CC2D1B: variants seen among roughly 807,000 people sequenced by gnomAD.
The protein encoded by CC2D1B is coiled-coil and C2 domain containing 1B, also known as coiled-coil and C2 domain-containing protein 1B.
In CC2D1B, 92 loss-of-function variants were observed where a neutral mutation model predicts 110.8. The ratio of observed to expected loss-of-function variants is 0.83; its 90% CI spans 0.70 to 0.99. CC2D1B has a LOEUF of 0.99. CC2D1B is among the 50% of genes least tolerant of loss of function. The pLI, the probability that CC2D1B is intolerant of heterozygous loss-of-function variation, is 0.00. For missense variants in CC2D1B, 1,136 were observed against 1,089.0 expected (o/e 1.04, Z -0.61); for synonymous variants, 406 against 429.2 (o/e 0.95, Z 0.67).
At position 52,351,217 on chromosome 1, in the gene CC2D1B, G is replaced by C. The variant is rs886324580; in HGVS notation, c.*2008C>G. On this transcript the variant is annotated 3_prime_UTR_variant, in exon 25 of 25. Coordinates refer to ENST00000284376, the MANE Select transcript of CC2D1B (RefSeq NM_001330585.2). ...CTCGTCAGCCTGGAGGTTCTGTTTT[G>C]AAAGAGCAAAGCAGCAGACTGAAAT... 1.1e-4 allele frequency: 16 copies of C among 152,210 alleles called. No homozygotes were observed. Among genetic ancestry groups the C allele is most frequent in the African/African-American group, 3.1e-4 (13 of 41,454 alleles). The allele number at this position is 152,210 out of a possible 1,614,324, so 9.4% of individuals were successfully genotyped here. A position where few individuals can be genotyped will look rare whatever the true frequency, so the allele number is the denominator to read the frequency against.
intron 3 of CC2D1B, among the ~76,000 whole-genome samples, chr1:52,362,135 C>T (rs1276150621): frequency 6.6e-6 from 1 of 152,146 alleles, no homozygotes; most frequent in African/African-American, 2.4e-5. Flanking sequence ...CAGGGACACA[C>T]AGGATGGTGG....
At position 52,360,343 on chromosome 1, in the gene CC2D1B, C is replaced by T; in HGVS notation, c.603+81G>A. On this transcript the variant is annotated intron_variant, in intron 6 of 24. Coordinates refer to ENST00000284376, the MANE Select transcript of CC2D1B (RefSeq NM_001330585.2). ...CCCCCAAAGTCTGGTGGGGTGACCTCCCCTCCACTGGTGCGATCTCCACCA... is the reference window on the plus strand; with the variant it reads ...CCCCCAAAGTCTGGTGGGGTGACCTTCCCTCCACTGGTGCGATCTCCACCA... 3 of 1,595,234 alleles carry T rather than the reference C, an allele frequency of 1.9e-6. No individual in the cohort carries two copies. In the South Asian group the frequency reaches 3.4e-5, roughly 18 times the overall value.
chr1:52,354,343 G>A (rs1032621316), intron 23 of CC2D1B: 2 of 655,496 alleles, frequency 3.1e-6, no homozygotes, highest in Admixed American at 2.1e-5. Flanking sequence ...ATTTGTCAGA[G>A]GCAAGGTCGT....
chr1:52,362,865 A>G (rs986060926), intron 2 of CC2D1B, 119 bp from the exon 3 acceptor site: 3 of 1,001,322 alleles, frequency 3.0e-6, no homozygotes, highest in Admixed American at 4.9e-5. Context: ...GTGAGGCCCA[A>G]TGTGCAGAAA....
At chr1:52,363,915 A>C (rs1377695064) in intron 2 of CC2D1B, among the ~76,000 whole-genome samples, 1 of 152,140 alleles carries the variant, frequency 6.6e-6, no homozygotes, top group East Asian at 1.9e-4. Flanking sequence ...TCCTGACCTC[A>C]GGTGATCCAC....
intron 5 of CC2D1B, chr1:52,360,769 G>T (rs1291105720): frequency 2.3e-6 from 2 of 882,850 alleles, no homozygotes; most frequent in East Asian, 5.3e-5. Context: ...TATGGCTCCC[G>T]GGGGGTAGTC....
At chr1:52,358,660 G>T (rs776948035) in intron 12 of CC2D1B, 26 bp downstream of exon 12, 1 of 1,609,928 alleles carries the variant, frequency 6.2e-7, no homozygotes, top group Non-Finnish European at 8.5e-7. Flanking sequence ...CCTCCTCACA[G>T]AGCCCCTAGG....
intron 2 of CC2D1B, 145 bp downstream of exon 2, chr1:52,364,407 T>G: frequency 6.2e-6 from 3 of 487,128 alleles, no homozygotes; most frequent in South Asian, 3.9e-5. Flanking sequence ...AGTAGGAGGG[T>G]GTCTAAGGGC....
At chr1:52,364,915 A>T (rs1464353588) in intron 1 of CC2D1B, among the ~76,000 whole-genome samples, 1 of 152,216 alleles carries the variant, frequency 6.6e-6, no homozygotes, top group Non-Finnish European at 1.5e-5. Flanking sequence ...GGCTGGGTAG[A>T]ATTCAGAAAG....
intron 19 of CC2D1B, 43 bp downstream of exon 19, chr1:52,355,728 T>A (rs372864749): frequency 6.1e-5 from 98 of 1,613,534 alleles, no homozygotes; most frequent in Non-Finnish European, 8.1e-5. Context: ...ACTTGGAGTG[T>A]CCGGGCAAGA....
At chr1:52,356,792 T>C in intron 16 of CC2D1B, 1 of 613,532 alleles carries the variant, frequency 1.6e-6, no homozygotes, top group Non-Finnish European at 2.8e-6. Flanking sequence ...TCTCTGTTGT[T>C]TGTACCACCC....
intron 13 of CC2D1B, chr1:52,358,104 C>G: frequency 2.2e-6 from 2 of 898,198 alleles, no homozygotes; most frequent in Non-Finnish European, 3.3e-6. Context: ...AGGAGAGAGA[C>G]TGCAGGGTAA....
chr1:52,358,594 C>G, intron 12 of CC2D1B, 92 bp downstream of exon 12: 1 of 1,566,670 alleles, frequency 6.4e-7, no homozygotes. Context: ...GGGAGGCAGA[C>G]GCATGAGAAG....
Position 52,355,384 on chromosome 1 carries a change from C to T in CC2D1B, c.2239+14G>A, listed in dbSNP as rs772136891. ...CTCTGAGGGAGGAGAAAGAGGCCCA[C>T]GTGTGGCCCTCACCTGGAGAGTTTG... On this transcript the variant is annotated intron_variant, in intron 21 of 24. Transcript: ENST00000284376. The T allele has an allele frequency of 1.7e-5, 27 of 1,613,602 alleles. No homozygotes were observed. Among genetic ancestry groups the T allele is most frequent in the African/African-American group, 1.6e-4 (12 of 74,924 alleles).
In CC2D1B at chr1:52,358,450, T is replaced by G. The variant is rs1557547705; in HGVS notation, c.1342A>C (p.Ile448Leu). Residue 448 changes from isoleucine (I) to leucine (L), a missense_variant, in exon 13 of 25, where the codon ATC becomes CTC. Ile to Leu is a conservative substitution (Grantham distance 5). Coordinates refer to ENST00000284376, the MANE Select transcript of CC2D1B (RefSeq NM_001330585.2). Reference protein sequence around the residue: ...ELPVPPGFPPIPGLESTMGVE... With the variant: ...ELPVPPGFPPLPGLESTMGVE... The stretch of plus-strand genomic sequence containing the variant: ...CCCATAGTGGACTCCAGGCCAGGGA[T>G]GGGGGGAAATCCTGTGGGAGAGAGA... The G allele has an allele frequency of 2.5e-6, 4 of 1,613,398 alleles. No homozygotes were observed. The highest frequency in any genetic ancestry group is 3.4e-6 in the Non-Finnish European group (4 of 1,179,892).
chr1:52,358,237 C>T (rs1646696970), intron 13 of CC2D1B, 94 bp downstream of exon 13: 1 of 1,499,538 alleles, frequency 6.7e-7, no homozygotes, highest in Admixed American at 2.1e-5. Flanking sequence ...GAATATGTAC[C>T]TTATTGGGCT....
chr1:52,353,291 G>T, intron 24 of CC2D1B, 68 bp from the exon 25 acceptor site: 1 of 1,470,474 alleles, frequency 6.8e-7, no homozygotes, highest in Non-Finnish European at 9.1e-7. Flanking sequence ...TTTTAGAAAG[G>T]GTTTCCTGAA....
intron 23 of CC2D1B, chr1:52,354,389 A>C: frequency 1.4e-6 from 1 of 696,288 alleles, no homozygotes; most frequent in East Asian, 2.7e-5. Context: ...GAGTTCATGG[A>C]AACAAGGAGG....
At position 52,351,736 on chromosome 1, in the gene CC2D1B, T is replaced by G. The variant is rs1646533396; in HGVS notation, c.*1489A>C. On this transcript the variant is annotated 3_prime_UTR_variant, in exon 25 of 25. Coordinates refer to ENST00000284376, the MANE Select transcript of CC2D1B (RefSeq NM_001330585.2). ...CCGTCTCTACTAAAAATAAAAAAAT[T>G]AGCTGGGCATAGTGGTGGGTGCCTG... 1 of 151,970 alleles carries G rather than the reference T, an allele frequency of 6.6e-6. No individual in the cohort carries two copies. 9.4% of individuals were successfully genotyped at this position (151,970 alleles called of 1,614,324 possible).
Sources: gnomAD v4.1 joint callset for allele counts (sites outside exome capture counted in the v4.1 genomes callset) on GRCh38, gnomAD v4.1.1 for gene constraint, MANE v1.5 for transcripts, NCBI Gene and HGNC (gene_info 2026-07-23, HGNC 2026-07-21) for gene names.